Variants in HOXA3 observed in about 807,000 individuals in gnomAD.
HOXA3 encodes the protein homeobox A3.
A neutral mutation model predicts 30.3 loss-of-function variants in HOXA3; 8 were observed. The observed-to-expected ratio is 0.26, with a 90% CI of 0.15 to 0.48. The LOEUF (loss-of-function observed/expected upper bound fraction) is 0.48. Among genes scored for constraint, HOXA3 ranks in the 20% least tolerant of loss-of-function variants. The pLI is 0.99. For missense variants in HOXA3, 653 were observed against 614.4 expected (o/e 1.06, Z -0.66); for synonymous variants, 323 against 273.1 (o/e 1.18, Z -1.80).
chr7:27,147,670 A>T, intron 1 of HOXA3: 1 of 1,614,052 alleles, frequency 6.2e-7, no homozygotes, highest in Non-Finnish European at 8.5e-7. Flanking sequence ...AGCCTGGTAG[A>T]GGGGCAGCTG....
At chr7:27,123,104 G>A (rs949084147) in intron 3 of HOXA3, 1 of 152,156 alleles carries the variant, frequency 6.6e-6, no homozygotes, top group African/African-American at 2.4e-5. Context: ...ATTCAATCAC[G>A]GACTCTCCTG....
chr7:27,147,344 C>T (rs749585006), intron 1 of HOXA3: 6 of 1,614,198 alleles, frequency 3.7e-6, no homozygotes, highest in Non-Finnish European at 8.5e-7. Context: ...CAAGGGTAAA[C>T]CGGGCTCGTG....
chr7:27,143,779 A>T, intron 1 of HOXA3: 1 of 1,283,250 alleles, frequency 7.8e-7, no homozygotes, highest in Non-Finnish European at 1.0e-6. Context: ...TTTGTTGTCC[A>T]GTCGTAAATC....
rs577854126 is a variant in HOXA3 at position 27,151,658 on chromosome 7, G to A, written c.-494+630C>T. The A allele has an allele frequency of 8.3e-4, 379 of 456,720 alleles. 1 individual carries two copies. The highest frequency in any genetic ancestry group is 1.5e-3 in the Non-Finnish European group (331 of 226,992). 28.3% of individuals were successfully genotyped at this position (456,720 alleles called of 1,614,324 possible). A position where few individuals can be genotyped will look rare whatever the true frequency, so the allele number is the denominator to read the frequency against. On this transcript the variant is annotated intron_variant, in intron 1 of 5. Transcript: ENST00000612286. ...AACCGGGCGAAGGGAAGCCGGCAAC[G>A]AGCGGAGAACTCTGGCTGAATTAGT...
At chr7:27,134,787 A>G (rs891164910) in intron 2 of HOXA3, among the ~76,000 whole-genome samples, 6 of 152,228 alleles carry the variant, frequency 3.9e-5, no homozygotes, top group Non-Finnish European at 7.3e-5. Context: ...TTACTTTACC[A>G]CTGAACATAC....
intron 2 of HOXA3, among the ~76,000 whole-genome samples, chr7:27,137,023 GC>G (rs1313571420): frequency 6.6e-6 from 1 of 152,204 alleles, no homozygotes; most frequent in East Asian, 1.9e-4. Flanking sequence ...TGGTGGGCAA[GC>G]CATGGACAGA....
intron 1 of HOXA3, among the ~76,000 whole-genome samples, chr7:27,149,717 T>A (rs928075450): frequency 1.3e-5 from 2 of 152,204 alleles, no homozygotes; most frequent in African/African-American, 4.8e-5. Flanking sequence ...AAGAATTCAA[T>A]AGGTGAAAAT....
chr7:27,149,050 A>G (rs1021276459), intron 1 of HOXA3, among the ~76,000 whole-genome samples: 2 of 152,194 alleles, frequency 1.3e-5, no homozygotes, highest in Non-Finnish European at 2.9e-5. Flanking sequence ...GGCTCCAGAA[A>G]TCCTGAATTG....
chr7:27,136,626 T>C (rs973362204), intron 2 of HOXA3, among the ~76,000 whole-genome samples: 11 of 152,194 alleles, frequency 7.2e-5, no homozygotes, highest in African/African-American at 2.7e-4. Flanking sequence ...TGCATTTACT[T>C]AACCCGGCAG....
intron 2 of HOXA3, chr7:27,128,593 C>T (rs1785381623): frequency 6.5e-6 from 1 of 155,008 alleles, no homozygotes; most frequent in South Asian, 2.0e-4. Context: ...TTGTACAGTT[C>T]CACATAAGTC....
intron 1 of HOXA3, chr7:27,147,475 C>A: frequency 1.9e-6 from 3 of 1,614,124 alleles, no homozygotes; most frequent in Non-Finnish European, 2.5e-6. Flanking sequence ...CTTGCCACTG[C>A]CCGAGGGCGA....
Position 27,113,901 on chromosome 7 carries a change from C to CGCCCCCT in HOXA3, c.-120-3148_-120-3142dup, listed in dbSNP as rs1784528255. 1.3e-5 allele frequency: 2 copies of CGCCCCCT among 151,306 alleles called. No individual in the cohort carries two copies. The highest frequency in any genetic ancestry group is 4.2e-4 in the South Asian group (2 of 4,798). The allele number at this position is 151,306 out of a possible 1,614,324, so 9.4% of individuals were successfully genotyped here. A position where few individuals can be genotyped will look rare whatever the true frequency, so the allele number is the denominator to read the frequency against. ...CCCACCCACCCCTCCCCCACACCCCCGCCCCCTGCCCTTCCCGAGGGCAGC... is the reference window on the plus strand; with the variant it reads ...CCCACCCACCCCTCCCCCACACCCCCGCCCCCTGCCCCCTGCCCTTCCCGAGGGCAGC... On this transcript the variant is annotated intron_variant, in intron 4 of 5. Coordinates refer to ENST00000612286, the MANE Select transcript of HOXA3 (RefSeq NM_153631.3). This position sits in a 1 kb window ranked among gnomAD's most constrained non-coding sequence, Gnocchi z 4.8.
intron 2 of HOXA3, chr7:27,129,987 C>T: frequency 9.1e-7 from 1 of 1,093,380 alleles, no homozygotes; most frequent in Non-Finnish European, 1.3e-6. Context: ...CACATCTCAC[C>T]GCAGCCCGGG....
rs894224069 is a variant in HOXA3 at position 27,113,357 on chromosome 7, G to A, written c.-120-2597C>T. On this transcript the variant is annotated intron_variant, in intron 4 of 5. Transcript: ENST00000612286. This position sits in a 1 kb window ranked among gnomAD's most constrained non-coding sequence, Gnocchi z 4.8. ...CCTCACCCCAAATCTGAGCGGGTTC[G>A]TCGGATAGGAGCCCCGAGTCCCCTG... Among the ~76,000 whole-genome samples the A allele has an allele frequency of 2.0e-5, 3 of 152,020 alleles. No homozygotes were observed. Among genetic ancestry groups the A allele is most frequent in the African/African-American group, 4.8e-5 (2 of 41,374 alleles).
At chr7:27,150,113 A>G (rs1782917596) in intron 1 of HOXA3, 1 of 52,098 alleles carries the variant, frequency 1.9e-5, no homozygotes, top group Non-Finnish European at 4.2e-5. Flanking sequence ...TGGAATCTTT[A>G]CATGTTAGCC....
At chr7:27,140,220 G>A (rs1782517932) in intron 1 of HOXA3, 34 bp from the exon 2 acceptor site, 1 of 152,106 alleles carries the variant, frequency 6.6e-6, no homozygotes, top group South Asian at 2.1e-4. Context: ...CAGCGTTAGT[G>A]AGATTATATG....
chr7:27,147,797 T>G (rs772235901), intron 1 of HOXA3: 1 of 1,500,204 alleles, frequency 6.7e-7, no homozygotes, highest in Non-Finnish European at 9.0e-7. Context: ...TTAGTACATC[T>G]GGCTATAACT....
intron 3 of HOXA3, chr7:27,124,611 G>C (rs983912412): frequency 6.6e-6 from 1 of 152,134 alleles, no homozygotes; most frequent in Non-Finnish European, 1.5e-5. Context: ...AAATCAAATG[G>C]TAAGTTGGAA....
intron 4 of HOXA3, chr7:27,115,961 C>G (rs1420357798): frequency 6.6e-6 from 1 of 152,632 alleles, no homozygotes; most frequent in Non-Finnish European, 1.5e-5. Context: ...TTTATGCTGG[C>G]GGAAGGTTTT....
Sources: gnomAD v4.1 joint callset for allele counts (sites outside exome capture counted in the v4.1 genomes callset) on GRCh38, gnomAD v4.1.1 for gene constraint, Gnocchi (gnomAD v3.1) non-coding constraint, MANE v1.5 for transcripts, NCBI Gene and HGNC (gene_info 2026-07-23, HGNC 2026-07-21) for gene names.